Variants in ANO3 observed in about 807,000 individuals in gnomAD.
The protein encoded by ANO3 is anoctamin 3, also known as anoctamin-3.
A neutral mutation model predicts 144.8 loss-of-function variants in ANO3; 99 were observed. The ratio of observed to expected loss-of-function variants is 0.68; its 90% confidence interval spans 0.58 to 0.81. ANO3 has a LOEUF of 0.81. Among genes scored for constraint, ANO3 ranks in the 30% least tolerant of loss-of-function variants. ANO3 has a pLI of 0.00. For missense variants in ANO3, 905 were observed against 1,202.2 expected (o/e 0.75, Z 3.66); for synonymous variants, 414 against 392.6 (o/e 1.05, Z -0.64).
At chr11:26,341,233 T>C (rs1855350672) in intron 1 of ANO3, among the ~76,000 whole-genome samples, 1 of 152,188 alleles carries the variant, frequency 6.6e-6, no homozygotes, top group African/African-American at 2.4e-5. Context: ...AAATGTATAG[T>C]GAAAGGTTTA....
rs141020668 is a variant in ANO3, at chr11:26,267,202, A to C, written c.155-42443A>C. Among the ~76,000 whole-genome samples, 294 of 151,616 alleles carry C rather than the reference A, an allele frequency of 1.9e-3. 3 individuals carry two copies. The highest frequency in any genetic ancestry group is 6.9e-3 in the South Asian group (33 of 4,790). ...CACGCACGCACACACACACACACACACCCCCAAAATGTCCTCAATGGTTGA... is the reference window on the plus strand; with the variant it reads ...CACGCACGCACACACACACACACACCCCCCCAAAATGTCCTCAATGGTTGA... On this transcript the variant is annotated intron_variant, in intron 1 of 27. Coordinates refer to the ANO3 transcript ENST00000672621.
intron 11 of ANO3, among the ~76,000 whole-genome samples, chr11:26,542,366 T>G (rs1399505739): frequency 2.0e-5 from 3 of 151,972 alleles, no homozygotes; most frequent in Non-Finnish European, 4.4e-5. Flanking sequence ...AGCCCAATAC[T>G]TATGTACCAT....
intron 17 of ANO3, among the ~76,000 whole-genome samples, chr11:26,615,792 TTTCAAG>T (rs561509351): frequency 1.6e-4 from 25 of 152,322 alleles, no homozygotes; most frequent in African/African-American, 5.1e-4. Context: ...TTTCCCTTCA[TTTCAAG>T]GTATGAAAAC....
chr11:26,634,318 A>G lies in ANO3; in HGVS notation c.1985+3A>G. 2 of 1,583,738 alleles carry G rather than the reference A, an allele frequency of 1.3e-6. No individual in the cohort carries two copies. Among genetic ancestry groups the G allele is most frequent in the South Asian group, 1.1e-5 (1 of 90,382 alleles). On this transcript the variant is annotated splice_donor_region_variant and intron_variant, in intron 19 of 26. Transcript: ENST00000256737. The stretch of plus-strand genomic sequence containing the variant: ...TATATCGCTTTCTTTTTGGGAAGGT[A>G]AGTCAACTTTTTGTACATTATCTTC...
chr11:26,430,815 A>C (rs1858063889), intron 1 of ANO3, among the ~76,000 whole-genome samples: 1 of 152,236 alleles, frequency 6.6e-6, no homozygotes, highest in South Asian at 2.1e-4. Flanking sequence ...TAAAATGGGG[A>C]AATACTTTTT....
At chr11:26,290,992 T>C (rs1853943197) in intron 1 of ANO3, among the ~76,000 whole-genome samples, 3 of 152,210 alleles carry the variant, frequency 2.0e-5, no homozygotes, top group Admixed American at 1.3e-4. Flanking sequence ...TTGATCTGTC[T>C]AATGTTGACA....
At chr11:26,585,766 C>G (rs1376805173) in intron 14 of ANO3, among the ~76,000 whole-genome samples, 1 of 152,158 alleles carries the variant, frequency 6.6e-6, no homozygotes, top group Non-Finnish European at 1.5e-5. Context: ...GTGACTTCAG[C>G]AAGTCACTTA....
At chr11:26,409,127 TAAAA>T (rs11291107) in intron 1 of ANO3, among the ~76,000 whole-genome samples, 2 of 147,556 alleles carry the variant, frequency 1.4e-5, no homozygotes, top group African/African-American at 5.0e-5. Flanking sequence ...TTAAGTACAA[TAAAA>T]AAAAAAAAAG....
At chr11:26,464,620 T>G (rs907054914) in intron 4 of ANO3, among the ~76,000 whole-genome samples, 2 of 151,820 alleles carry the variant, frequency 1.3e-5, no homozygotes, top group Non-Finnish European at 2.9e-5. Context: ...CTTTAGGATA[T>G]CAAAGTTTTA....
chr11:26,523,498 C>G (rs1862169010), intron 6 of ANO3, among the ~76,000 whole-genome samples: 1 of 152,110 alleles, frequency 6.6e-6, no homozygotes, highest in South Asian at 2.1e-4. Context: ...AAAAAGACGG[C>G]TCCTAAATCC....
intron 1 of ANO3, among the ~76,000 whole-genome samples, chr11:26,353,056 T>C (rs766803752): frequency 1.3e-5 from 2 of 152,116 alleles, no homozygotes; most frequent in Non-Finnish European, 2.9e-5. Context: ...GGAGTACAAG[T>C]GTATGCAGGA....
At chr11:26,234,668 C>T (rs1045737423) in intron 1 of ANO3, among the ~76,000 whole-genome samples, 41 of 152,144 alleles carry the variant, frequency 2.7e-4, no homozygotes, top group African/African-American at 9.9e-4. Flanking sequence ...CTATACTCAC[C>T]ATATCCTTTG....
intron 1 of ANO3, among the ~76,000 whole-genome samples, chr11:26,237,845 G>T (rs1193080960): frequency 6.6e-6 from 1 of 152,044 alleles, no homozygotes; most frequent in Non-Finnish European, 1.5e-5. Context: ...TATCACAAGA[G>T]TTTTTAATCT....
chr11:26,625,996 G>A (rs528842480), intron 18 of ANO3, among the ~76,000 whole-genome samples: 1 of 152,272 alleles, frequency 6.6e-6, no homozygotes, highest in African/African-American at 2.4e-5. Context: ...GAAACCCTAT[G>A]TTAGAAATAC....
At chr11:26,636,335 G>C (rs1852957165) in intron 20 of ANO3, among the ~76,000 whole-genome samples, 1 of 152,184 alleles carries the variant, frequency 6.6e-6, no homozygotes, top group Non-Finnish European at 1.5e-5. Flanking sequence ...GCTATGGTTT[G>C]TTTTAGGATA....
intron 4 of ANO3, among the ~76,000 whole-genome samples, chr11:26,478,586 A>G (rs1860075331): frequency 6.6e-6 from 1 of 152,170 alleles, no homozygotes; most frequent in Non-Finnish European, 1.5e-5. Flanking sequence ...CTTATATAGG[A>G]AAAGATATTC....
chr11:26,657,624 C>G (rs771876631), intron 26 of ANO3, among the ~76,000 whole-genome samples: 6 of 152,078 alleles, frequency 3.9e-5, no homozygotes, highest in Admixed American at 1.3e-4. Context: ...ACATCCACTC[C>G]CTTTTCATCC....
chr11:26,391,418 A>G (rs1181061014), intron 1 of ANO3, among the ~76,000 whole-genome samples: 1 of 152,104 alleles, frequency 6.6e-6, no homozygotes, highest in Non-Finnish European at 1.5e-5. Context: ...ATTTCTTAAT[A>G]CTGTTAATAT....
intron 1 of ANO3, among the ~76,000 whole-genome samples, chr11:26,275,793 G>T (rs1853545487): frequency 6.6e-6 from 1 of 152,106 alleles, no homozygotes; most frequent in African/African-American, 2.4e-5. Flanking sequence ...ATTAACACAA[G>T]AAACCACATC....
Sources: allele counts gnomAD v4.1 joint callset (sites outside exome capture counted in the v4.1 genomes callset), GRCh38; gene constraint gnomAD v4.1.1; transcripts MANE v1.5; gene names NCBI Gene and HGNC (gene_info 2026-07-23, HGNC 2026-07-21).